Variants in PXDNL observed in about 807,000 individuals in gnomAD.
PXDNL encodes probable oxidoreductase PXDNL.
A neutral mutation model predicts 150.8 loss-of-function variants in PXDNL; 145 were observed. That is an observed-to-expected ratio of 0.96 (90% CI 0.84 to 1.10). PXDNL has a LOEUF of 1.10. PXDNL is among the 50% of genes least tolerant of loss of function. The pLI is 0.00. For synonymous variants in PXDNL, 757 were observed against 725.7 expected (o/e 1.04, Z -0.69); for missense variants, 2,087 against 1,873.9 (o/e 1.11, Z -2.10).
chr8:51,408,657 G>T lies in PXDNL; in HGVS notation c.2967C>A (p.Asn989Lys). The change falls in exon 17 of 23, where the codon AAC (asparagine) becomes AAA (lysine). Residue 989 changes from asparagine to lysine, a missense_variant. Transcript: ENST00000356297. ...AAACCGTGTTTCCCTCCCAGTGGGG[G>T]TTCAGGGCGGACAGCTCCGTGGCCA... ...NRMATELSAL[N>K]PHWEGNTVYQ... 1 of 1,604,486 alleles carries T rather than the reference G, an allele frequency of 6.2e-7. No individual in the cohort carries two copies. The highest frequency in any genetic ancestry group is 8.5e-7 in the Non-Finnish European group (1 of 1,175,350).
intron 1 of PXDNL, among the ~76,000 whole-genome samples, chr8:51,719,091 C>T (rs1013567695): frequency 6.6e-6 from 1 of 152,106 alleles, no homozygotes; most frequent in East Asian, 1.9e-4. Context: ...GGCGCCTCTG[C>T]CCGGCCGCCC....
intron 1 of PXDNL, among the ~76,000 whole-genome samples, chr8:51,669,804 C>T (rs1815463163): frequency 6.6e-6 from 1 of 152,140 alleles, no homozygotes; most frequent in African/African-American, 2.4e-5. Flanking sequence ...ATTTCTTAAC[C>T]ATTTATAAAA....
At chr8:51,775,843 A>T (rs2037346988) in intron 1 of PXDNL, among the ~76,000 whole-genome samples, 1 of 152,216 alleles carries the variant, frequency 6.6e-6, no homozygotes, top group South Asian at 2.1e-4. Context: ...GGAACAAGGG[A>T]GATAACTATG....
intron 1 of PXDNL, among the ~76,000 whole-genome samples, chr8:51,735,345 CATG>C (rs1418100246): frequency 6.0e-5 from 9 of 151,208 alleles, no homozygotes; most frequent in African/African-American, 2.2e-4. Flanking sequence ...ATTAGCTGGG[CATG>C]GTGGTGCGTG....
In PXDNL at chr8:51,447,266, C is replaced by T. The variant is rs187954658; in HGVS notation, c.1367-104G>A. 2.3e-3 allele frequency: 2,854 copies of T among 1,239,976 alleles called. 103 individuals carry two copies. In the Admixed American group the frequency reaches 0.057, roughly 25 times the overall value. 76.8% of individuals were successfully genotyped at this position (1,239,976 alleles called of 1,614,324 possible). A position where few individuals can be genotyped will look rare whatever the true frequency, so the allele number is the denominator to read the frequency against. ...GGTGAGGCCTGTCTTTCAGGAAATT[C>T]TCGGTGCTAGGGTGTACTGTGTGCG... On this transcript the variant is annotated intron_variant, in intron 11 of 22. Coordinates refer to ENST00000356297, the MANE Select transcript of PXDNL (RefSeq NM_144651.5).
intron 19 of PXDNL, among the ~76,000 whole-genome samples, chr8:51,352,490 G>A (rs1319669196): frequency 6.6e-6 from 1 of 152,112 alleles, no homozygotes; most frequent in Non-Finnish European, 1.5e-5. Context: ...CCATGAGGGT[G>A]GTTTCCCCCA....
chr8:51,735,164 C>G (rs575519459), intron 1 of PXDNL, among the ~76,000 whole-genome samples: 1 of 152,240 alleles, frequency 6.6e-6, no homozygotes, highest in Non-Finnish European at 1.5e-5. Context: ...TAAATATATA[C>G]AATTTTTGTA....
At chr8:51,426,902 G>T in intron 12 of PXDNL, 144 bp from the exon 13 acceptor site, 1 of 576,872 alleles carries the variant, frequency 1.7e-6, no homozygotes, top group African/African-American at 1.9e-5. Context: ...ACGTCTAGGG[G>T]AATAACAAGC....
At chr8:51,354,706 T>C (rs1247476609) in intron 19 of PXDNL, among the ~76,000 whole-genome samples, 1 of 152,094 alleles carries the variant, frequency 6.6e-6, no homozygotes, top group African/African-American at 2.4e-5. Flanking sequence ...AGCAACTTGG[T>C]GAAGCCCTGC....
At chr8:51,548,162 A>AAATGAAC (rs1812403853) in intron 4 of PXDNL, among the ~76,000 whole-genome samples, 1 of 152,130 alleles carries the variant, frequency 6.6e-6, no homozygotes, top group South Asian at 2.1e-4. Flanking sequence ...AGAATTTTAA[A>AAATGAAC]AATGAACAAA....
At chr8:51,535,549 T>G (rs1812051049) in intron 4 of PXDNL, among the ~76,000 whole-genome samples, 1 of 127,798 alleles carries the variant, frequency 7.8e-6, no homozygotes, top group African/African-American at 3.4e-5. Context: ...CACCACTCCC[T>G]AATCTTAAGT....
intron 1 of PXDNL, among the ~76,000 whole-genome samples, chr8:51,756,515 T>G (rs2037103903): frequency 6.6e-6 from 1 of 152,126 alleles, no homozygotes; most frequent in African/African-American, 2.4e-5. Context: ...AAACCTATGA[T>G]TAAGACATCT....
chr8:51,429,332 C>A (rs1174675691), intron 12 of PXDNL, among the ~76,000 whole-genome samples: 1 of 152,146 alleles, frequency 6.6e-6, no homozygotes, highest in Non-Finnish European at 1.5e-5. Flanking sequence ...ATAATCCCAG[C>A]ACTTTGTGAG....
chr8:51,537,543 A>G (rs1195958812), intron 4 of PXDNL, among the ~76,000 whole-genome samples: 3 of 152,178 alleles, frequency 2.0e-5, no homozygotes, highest in Admixed American at 1.3e-4. Flanking sequence ...GTCAGTCACA[A>G]GTACCTGTGA....
chr8:51,599,694 TTA>T (rs1425611751), intron 2 of PXDNL, among the ~76,000 whole-genome samples: 1 of 124,206 alleles, frequency 8.1e-6, no homozygotes, highest in Non-Finnish European at 1.8e-5. Context: ...ATATAATAAA[TTA>T]TATCTTATAT....
At chr8:51,640,745 G>C (rs778460875) in intron 2 of PXDNL, among the ~76,000 whole-genome samples, 30 of 152,234 alleles carry the variant, frequency 2.0e-4, no homozygotes, top group Admixed American at 5.2e-4. Context: ...CTCATGGGTA[G>C]GAAGAATCAA....
At chr8:51,445,499 C>T (rs1175061455) in intron 12 of PXDNL, among the ~76,000 whole-genome samples, 1 of 152,200 alleles carries the variant, frequency 6.6e-6, no homozygotes, top group Non-Finnish European at 1.5e-5. Flanking sequence ...CATATGTCAA[C>T]TCCTAGATTA....
At chr8:51,339,849 C>A in intron 20 of PXDNL, 96 bp from the exon 21 acceptor site, 1 of 1,214,110 alleles carries the variant, frequency 8.2e-7, no homozygotes, top group Admixed American at 2.4e-5. Flanking sequence ...TTGGCATGTA[C>A]AAGGCATTGT....
intron 1 of PXDNL, among the ~76,000 whole-genome samples, chr8:51,658,344 G>GAAAA (rs34771782): frequency 0.022 from 2,046 of 93,626 alleles, no homozygotes; most frequent in Non-Finnish European, 0.031. Context: ...CCTGTCTCAA[G>GAAAA]AAAAAAAAAA....
Sources: gnomAD v4.1 joint callset for allele counts (sites outside exome capture counted in the v4.1 genomes callset) on GRCh38, gnomAD v4.1.1 for gene constraint, MANE v1.5 for transcripts, NCBI Gene and HGNC (gene_info 2026-07-23, HGNC 2026-07-21) for gene names.